Variants in PXDNL observed in about 807,000 individuals in gnomAD.
PXDNL encodes probable oxidoreductase PXDNL.
PXDNL carries 145 observed loss-of-function variants against 150.8 expected under a neutral mutation model. That is an observed-to-expected ratio of 0.96 (90% CI 0.84 to 1.10). The LOEUF (loss-of-function observed/expected upper bound fraction) is 1.10, where lower values mean the gene tolerates loss of function less well. PXDNL is among the 50% of genes least tolerant of loss of function. PXDNL has a pLI of 0.00. For missense variants in PXDNL, 2,087 were observed against 1,873.9 expected, an observed-to-expected ratio of 1.11 and a Z score of -2.10; for synonymous variants, 757 against 725.7, an observed-to-expected ratio of 1.04 and a Z score of -0.69.
intron 8 of PXDNL, among the ~76,000 whole-genome samples, chr8:51,460,866 G>T (rs1011865837): frequency 1.1e-4 from 17 of 152,112 alleles, no homozygotes; most frequent in Non-Finnish European, 2.9e-5. Context: ...ATGCCCCAAG[G>T]CTCTCCATCT....
chr8:51,680,584 AC>A (rs1815722397), intron 1 of PXDNL, among the ~76,000 whole-genome samples: 1 of 152,224 alleles, frequency 6.6e-6, no homozygotes, highest in Non-Finnish European at 1.5e-5. Context: ...AGTGGCAAAC[AC>A]AAATTTACTT....
At chr8:51,713,513 C>T (rs774319084) in intron 1 of PXDNL, among the ~76,000 whole-genome samples, 17 of 152,198 alleles carry the variant, frequency 1.1e-4, no homozygotes, top group Non-Finnish European at 1.6e-4. Flanking sequence ...GGCTGGCCAA[C>T]GTTGTCCTCA....
intron 21 of PXDNL, among the ~76,000 whole-genome samples, chr8:51,339,259 A>AGACCAGC (rs1379279981): frequency 6.6e-6 from 1 of 152,208 alleles, no homozygotes; most frequent in Non-Finnish European, 1.5e-5. Context: ...CAGGAGTTCA[A>AGACCAGC]GACCAGCCTG....
intron 1 of PXDNL, among the ~76,000 whole-genome samples, chr8:51,760,845 C>CTTT (rs71237237): frequency 0.016 from 728 of 45,432 alleles, 214 homozygotes; most frequent in African/African-American, 0.027. Flanking sequence ...ATCACTTAAA[C>CTTT]TTTTTTTTTT....
At chr8:51,436,405 G>A in intron 12 of PXDNL, 1 of 407,968 alleles carries the variant, frequency 2.5e-6, no homozygotes, top group Non-Finnish European at 5.0e-6. Flanking sequence ...GCATTGCCAT[G>A]TCATAAGATC....
chr8:51,768,394 G>C (rs766788427), intron 1 of PXDNL, among the ~76,000 whole-genome samples: 1 of 151,870 alleles, frequency 6.6e-6, no homozygotes, highest in Non-Finnish European at 1.5e-5. Flanking sequence ...TGATAATTAA[G>C]GCTTTATATG....
intron 17 of PXDNL, among the ~76,000 whole-genome samples, chr8:51,404,244 T>C (rs1808368752): frequency 6.6e-6 from 1 of 152,098 alleles, no homozygotes; most frequent in South Asian, 2.1e-4. Flanking sequence ...GAGACCGGAG[T>C]GGATTGCCAC....
intron 1 of PXDNL, among the ~76,000 whole-genome samples, chr8:51,740,048 ATATC>A (rs547947745): frequency 3.9e-4 from 60 of 152,324 alleles, no homozygotes; most frequent in African/African-American, 1.4e-3. Context: ...AAACTAATGA[ATATC>A]TAAATAAATG....
At chr8:51,607,837 C>T (rs1813870153) in intron 2 of PXDNL, among the ~76,000 whole-genome samples, 1 of 103,018 alleles carries the variant, frequency 9.7e-6, no homozygotes, top group Non-Finnish European at 1.7e-5. Context: ...GAGACTCCAT[C>T]TCAAAAAAAA....
chr8:51,334,373 G>T (rs1289708182), intron 21 of PXDNL, among the ~76,000 whole-genome samples: 1 of 152,044 alleles, frequency 6.6e-6, no homozygotes, highest in African/African-American at 2.4e-5. Context: ...AAGTCTGAAA[G>T]AGCACAAACA....
At chr8:51,697,722 A>G (rs1034235390) in intron 1 of PXDNL, among the ~76,000 whole-genome samples, 8 of 152,118 alleles carry the variant, frequency 5.3e-5, no homozygotes, top group African/African-American at 1.7e-4. Flanking sequence ...GTCTTAATAA[A>G]CTCATCTATT....
chr8:51,459,121 C>T (rs1810006625), intron 8 of PXDNL, among the ~76,000 whole-genome samples: 2 of 152,310 alleles, frequency 1.3e-5, no homozygotes, highest in African/African-American at 2.4e-5. Context: ...TAGCATGAAA[C>T]GAACATCAGA....
intron 12 of PXDNL, among the ~76,000 whole-genome samples, chr8:51,445,277 T>C (rs776558359): frequency 6.6e-6 from 1 of 152,194 alleles, no homozygotes; most frequent in Non-Finnish European, 1.5e-5. Context: ...AATAGTTCTA[T>C]AGTCTGAAGT....
At chr8:51,390,902 G>C (rs10086631) in intron 17 of PXDNL, among the ~76,000 whole-genome samples, 4 of 150,962 alleles carry the variant, frequency 2.6e-5, no homozygotes, top group Non-Finnish European at 4.4e-5. Context: ...CCCCTCCTCC[G>C]ACCCCACAAC....
At chr8:51,575,541 C>T (rs1438847739) in intron 3 of PXDNL, among the ~76,000 whole-genome samples, 1 of 151,792 alleles carries the variant, frequency 6.6e-6, no homozygotes, top group East Asian at 1.9e-4. Context: ...ATGGTGAAAC[C>T]CCATCTCTAT....
At chr8:51,464,871 A>G (rs1810168237) in intron 8 of PXDNL, among the ~76,000 whole-genome samples, 1 of 152,106 alleles carries the variant, frequency 6.6e-6, no homozygotes, top group African/African-American at 2.4e-5. Flanking sequence ...TATAATAATA[A>G]CAATAATAAT....
rs1350363467 is a variant in PXDNL at position 51,409,074 on chromosome 8, G to A, written c.2550C>T (p.Ala850=). The A allele has an allele frequency of 1.9e-6, 3 of 1,609,414 alleles. No homozygotes were observed. The highest frequency in any genetic ancestry group is 2.7e-5 in the African/African-American group (2 of 74,906). Residue 850 remains alanine, a synonymous_variant, in exon 17 of 23, where the codon GCC becomes GCT. Coordinates refer to ENST00000356297, the MANE Select transcript of PXDNL (RefSeq NM_144651.5). Reference sequence around the variant, plus strand: ...AGGGCGCGTGGGTGCCCCGGGGGTCGGCGTGCCGGGTGTTCATGGGGAAAC... The same window carrying A: ...AGGGCGCGTGGGTGCCCCGGGGGTCAGCGTGCCGGGTGTTCATGGGGAAAC... ...PPCFPMNTRH[A]DPRGTHAPCM... is the part of the protein sequence containing the mutation.
At chr8:51,325,203 C>T (rs145785123) in intron 21 of PXDNL, among the ~76,000 whole-genome samples, 3 of 152,290 alleles carry the variant, frequency 2.0e-5, no homozygotes, top group East Asian at 1.9e-4. Flanking sequence ...ACTGCAACAC[C>T]TCTATCACTT....
intron 2 of PXDNL, among the ~76,000 whole-genome samples, chr8:51,639,946 A>T (rs1188201618): frequency 1.3e-5 from 2 of 152,248 alleles, no homozygotes; most frequent in Admixed American, 1.3e-4. Flanking sequence ...TTGACGCAAA[A>T]ATCCTCAATA....
Sources: gnomAD v4.1 joint callset for allele counts (sites outside exome capture counted in the v4.1 genomes callset) on GRCh38, gnomAD v4.1.1 for gene constraint, MANE v1.5 for transcripts, NCBI Gene and HGNC (gene_info 2026-07-23, HGNC 2026-07-21) for gene names.